TYW5: variants seen among roughly 807,000 people sequenced by gnomAD.
TYW5 encodes the protein tRNA-yW synthesizing protein 5, also known as tRNA wybutosine-synthesizing protein 5.
Under a neutral mutation model 44.4 loss-of-function variants are expected in TYW5, and 36 were observed. The ratio of observed to expected loss-of-function variants is 0.81; its 90% confidence interval spans 0.62 to 1.07. The LOEUF is 1.07. Among genes scored for constraint, TYW5 ranks in the 50% least tolerant of loss-of-function variants. The pLI is 0.00. For missense variants in TYW5, 354 were observed against 365.7 expected, an observed-to-expected ratio of 0.97 and a Z score of 0.26; for synonymous variants, 121 against 128.1, an observed-to-expected ratio of 0.94 and a Z score of 0.37.
chr2:199,942,431 G>C (rs148189122), intron 3 of TYW5: 1 of 152,272 alleles, frequency 6.6e-6, no homozygotes, highest in African/African-American at 2.4e-5. Context: ...GACAGTTCAA[G>C]TTGATCTTGT....
In TYW5 at chr2:199,929,061, T is replaced by C. The variant is rs16832051; in HGVS notation, c.*4006A>G. Among the ~76,000 whole-genome samples, 20,963 of 152,204 alleles carry C rather than the reference T, an allele frequency of 0.14. 1,736 individuals carry two copies. Among genetic ancestry groups the C allele is most frequent in the Middle Eastern group, 0.22 (65 of 292 alleles). Reference sequence around the variant, plus strand: ...TAGACAGACCTCATCTGTAAACTCATGTTGCTCTTTACAAAGGAAGAGACC... The same window carrying C: ...TAGACAGACCTCATCTGTAAACTCACGTTGCTCTTTACAAAGGAAGAGACC... On this transcript the variant is annotated 3_prime_UTR_variant, in exon 8 of 8. Coordinates refer to ENST00000354611, the MANE Select transcript of TYW5 (RefSeq NM_001039693.3).
chr2:199,936,254 T>A (rs1280362746), intron 6 of TYW5, 151 bp downstream of exon 6: 3 of 741,794 alleles, frequency 4.0e-6, no homozygotes, highest in Non-Finnish European at 4.3e-6. Context: ...TGTAATAAGA[T>A]AATTTCAAAT....
At chr2:199,936,270 C>T in intron 6 of TYW5, 135 bp downstream of exon 6, 1 of 780,084 alleles carries the variant, frequency 1.3e-6, no homozygotes. Flanking sequence ...CAAATTTGAA[C>T]CTGTTATTAC....
Position 199,933,206 on chromosome 2 carries a change from G to A in TYW5, c.809C>T (p.Thr270Ile), listed in dbSNP as rs1574792035. 1 of 1,614,140 alleles carries A rather than the reference G, an allele frequency of 6.2e-7. No individual in the cohort carries two copies. The highest frequency in any genetic ancestry group is 1.3e-5 in the African/African-American group (1 of 75,036). The part of the protein sequence containing the change: ...KTDTYGNKDP[T>I]AASRAAQILD... ...AATTTGTGCAGCTCTTGATGCTGCT[G>A]TAGGATCTTTGTTTCCATAGGTATC... The change falls in exon 8 of 8, where the codon ACA (threonine) becomes ATA (isoleucine). Residue 270 changes from threonine to isoleucine, a missense_variant. Thr to Ile is a moderately conservative substitution (Grantham distance 89, BLOSUM62 -1). Transcript: ENST00000354611.
intron 3 of TYW5, among the ~76,000 whole-genome samples, chr2:199,940,756 A>G (rs2077457684): frequency 6.6e-6 from 1 of 152,252 alleles, no homozygotes; most frequent in South Asian, 2.1e-4. Flanking sequence ...TAAAGGCAAC[A>G]TATACATACC....
intron 2 of TYW5, chr2:199,945,115 A>G (rs182520041): frequency 1.3e-5 from 2 of 152,320 alleles, no homozygotes; most frequent in East Asian, 3.9e-4. Flanking sequence ...GGAGGAACGC[A>G]GAAGCTAAGT....
At chr2:199,934,584 A>G (rs2077404769) in intron 7 of TYW5, among the ~76,000 whole-genome samples, 1 of 152,090 alleles carries the variant, frequency 6.6e-6, no homozygotes, top group African/African-American at 2.4e-5. Context: ...ACAAAGATGA[A>G]CAAAACATAG....
chr2:199,946,182 A>G (rs2077502691), intron 2 of TYW5: 1 of 152,230 alleles, frequency 6.6e-6, no homozygotes, highest in Non-Finnish European at 1.5e-5. Flanking sequence ...TGAAGTTTAA[A>G]TGAGTAATAT....
chr2:199,940,213 C>T, intron 3 of TYW5, 80 bp from the exon 4 acceptor site: 2 of 1,248,110 alleles, frequency 1.6e-6, no homozygotes, highest in Non-Finnish European at 2.3e-6. Context: ...GTATAGCTAT[C>T]ATGTATTCAT....
chr2:199,948,278 A>G lies in TYW5; in HGVS notation c.233+40T>C, dbSNP rs1173733332. 3 of 1,605,236 alleles carry G rather than the reference A, an allele frequency of 1.9e-6. No homozygotes were observed. The African/African-American group carries it at 4.0e-5, about 22-fold the overall frequency. On this transcript the variant is annotated intron_variant, in intron 2 of 7. Coordinates refer to ENST00000354611, the MANE Select transcript of TYW5 (RefSeq NM_001039693.3). The stretch of plus-strand genomic sequence containing the variant: ...AAAAATATTTTAAAAGTTTTTAAAA[A>G]GTTATTTGTATCCCCAGAGTAAACC...
At chr2:199,948,630 A>G (rs1037087052) in intron 1 of TYW5, among the ~76,000 whole-genome samples, 158 bp from the exon 2 acceptor site, 1 of 152,236 alleles carries the variant, frequency 6.6e-6, no homozygotes, top group African/African-American at 2.4e-5. Flanking sequence ...TCACTAAAAC[A>G]AGAAGAGGGG....
chr2:199,947,588 G>T (rs960208076), intron 2 of TYW5: 4 of 152,174 alleles, frequency 2.6e-5, no homozygotes, highest in African/African-American at 9.7e-5. Context: ...AACATAGCTT[G>T]TCCTGGTTTT....
chr2:199,952,074 T>G (rs1159733865), intron 1 of TYW5, among the ~76,000 whole-genome samples: 1 of 152,134 alleles, frequency 6.6e-6, no homozygotes, highest in Non-Finnish European at 1.5e-5. Flanking sequence ...AGTTCAGATA[T>G]CGCCTTTATT....
chr2:199,933,259 G>T lies in TYW5; in HGVS notation c.756C>A (p.His252Gln). 4 of 1,613,680 alleles carry T rather than the reference G, an allele frequency of 2.5e-6. No individual in the cohort carries two copies. The highest frequency in any genetic ancestry group is 3.4e-6 in the Non-Finnish European group (4 of 1,179,694). Residue 252 changes from histidine to glutamine, a missense_variant, in exon 8 of 8, where the codon CAC (histidine) becomes CAA (glutamine). By Grantham distance (24) the His-to-Gln change is conservative. Transcript: ENST00000354611. Reference protein sequence around the residue: ...FGVGVNIFWKHLPSECYDKTD... With the variant: ...FGVGVNIFWKQLPSECYDKTD... ...TTTTATCATAGCATTCAGATGGAAG[G>T]TGCTTCCAAAAGATATTCACTCCCA...
At chr2:199,949,412 T>G (rs1165714440) in intron 1 of TYW5, among the ~76,000 whole-genome samples, 3 of 152,108 alleles carry the variant, frequency 2.0e-5, no homozygotes, top group Non-Finnish European at 4.4e-5. Context: ...TACTATTATC[T>G]AATCTACAGT....
intron 7 of TYW5, among the ~76,000 whole-genome samples, chr2:199,934,431 A>G (rs967397919): frequency 6.6e-6 from 1 of 152,054 alleles, no homozygotes; most frequent in Non-Finnish European, 1.5e-5. Context: ...ACAAAAACCA[A>G]AAGTGTAAAT....
rs556856240 is a variant in TYW5 at position 199,954,821 on chromosome 2, C to A, written c.78+572G>T. ...TACCATAAACTGACTTACTGTAATCCTGTGGATTTTTCCTTTTAATACCTT... is the reference window on the plus strand; with the variant it reads ...TACCATAAACTGACTTACTGTAATCATGTGGATTTTTCCTTTTAATACCTT... On this transcript the variant is annotated intron_variant, in intron 1 of 7. Coordinates refer to ENST00000354611, the MANE Select transcript of TYW5 (RefSeq NM_001039693.3). 4.6e-5 allele frequency among the ~76,000 whole-genome samples: 7 copies of A among 152,280 alleles called. No individual in the cohort carries two copies. The South Asian group carries it at 1.4e-3, about 32-fold the overall frequency.
intron 4 of TYW5, among the ~76,000 whole-genome samples, chr2:199,939,704 C>G (rs1026912908): frequency 6.6e-6 from 1 of 152,154 alleles, no homozygotes; most frequent in Non-Finnish European, 1.5e-5. Flanking sequence ...TTAGGGACTA[C>G]TCTTTAATAT....
Position 199,948,440 on chromosome 2 carries a change from C to T in TYW5, c.111G>A (p.Leu37=). 1 of 1,614,012 alleles carries T rather than the reference C, an allele frequency of 6.2e-7. No homozygotes were observed. The highest frequency in any genetic ancestry group is 8.5e-7 in the Non-Finnish European group (1 of 1,179,994). ...CTGTCCATTTGCTTGTACATGGCCC[C>T]AAATCAATCCCTTCCAACACAAGAG... The part of the protein sequence containing the change: ...RKPLVLEGID[L]GPCTSKWTVD... The change falls in exon 2 of 8, where the codon TTG becomes TTA. Residue 37 remains leucine, a synonymous_variant. Coordinates refer to ENST00000354611, the MANE Select transcript of TYW5 (RefSeq NM_001039693.3).
Sources: gnomAD v4.1 joint callset for allele counts (sites outside exome capture counted in the v4.1 genomes callset) on GRCh38, gnomAD v4.1.1 for gene constraint, MANE v1.5 for transcripts, NCBI Gene and HGNC (gene_info 2026-07-23, HGNC 2026-07-21) for gene names.